ABCB1: variants seen among roughly 807,000 people sequenced by gnomAD.
ABCB1 encodes ATP-dependent translocase ABCB1.
A neutral mutation model predicts 142.0 loss-of-function variants in ABCB1; 69 were observed. That is an observed-to-expected ratio of 0.49 (90% confidence interval 0.40 to 0.59). ABCB1 has a LOEUF of 0.59. Among genes scored for constraint, ABCB1 ranks in the 20% least tolerant of loss-of-function variants. The probability of loss-of-function intolerance (pLI) is 0.00; values close to 1 mark genes in which losing one functional copy is unlikely to be tolerated. For missense variants in ABCB1, 1,326 were observed against 1,554.7 expected, an observed-to-expected ratio of 0.85 and a Z score of 2.47; for synonymous variants, 532 against 539.2, an observed-to-expected ratio of 0.99 and a Z score of 0.18.
chr7:87,669,657 C>T (rs565544608), intron 1 of ABCB1, among the ~76,000 whole-genome samples: 1 of 152,306 alleles, frequency 6.6e-6, no homozygotes, highest in East Asian at 1.9e-4. Context: ...TCTTGTAAGG[C>T]AAGCCTGGTG....
intron 4 of ABCB1, among the ~76,000 whole-genome samples, chr7:87,581,738 A>T (rs1818517547): frequency 6.6e-6 from 1 of 152,172 alleles, no homozygotes; most frequent in Non-Finnish European, 1.5e-5. Context: ...GTCTAATTAG[A>T]TCCTATGTTT....
At chr7:87,582,490 A>G (rs976798143) in intron 4 of ABCB1, among the ~76,000 whole-genome samples, 3 of 152,246 alleles carry the variant, frequency 2.0e-5, no homozygotes, top group African/African-American at 7.2e-5. Flanking sequence ...GAGGGCATGT[A>G]CTGTGACTGG....
At chr7:87,663,056 A>G (rs1341490812) in intron 1 of ABCB1, among the ~76,000 whole-genome samples, 2 of 152,096 alleles carry the variant, frequency 1.3e-5, no homozygotes, top group African/African-American at 4.8e-5. Context: ...CTGTTGGCAT[A>G]TAGGAAAGCT....
chr7:87,685,755 T>A (rs1827395418), intron 1 of ABCB1, among the ~76,000 whole-genome samples: 1 of 152,162 alleles, frequency 6.6e-6, no homozygotes, highest in African/African-American at 2.4e-5. Flanking sequence ...ATAATCATGG[T>A]TACATGACTC....
At chr7:87,507,395 G>A (rs1219706568) in intron 26 of ABCB1, among the ~76,000 whole-genome samples, 2 of 152,202 alleles carry the variant, frequency 1.3e-5, no homozygotes, top group African/African-American at 4.8e-5. Flanking sequence ...TTAAAACGTG[G>A]ATTGCTGGAT....
At chr7:87,566,680 C>G in intron 6 of ABCB1, 105 bp downstream of exon 6, 2 of 1,169,464 alleles carry the variant, frequency 1.7e-6, no homozygotes, top group East Asian at 2.5e-5. Flanking sequence ...CTCATAAGTA[C>G]CTTTGAATGA....
intron 9 of ABCB1, 78 bp downstream of exon 9, chr7:87,553,683 T>G (rs1817187371): frequency 2.7e-6 from 4 of 1,463,894 alleles, no homozygotes; most frequent in Non-Finnish European, 3.8e-6. Context: ...AAATATATTC[T>G]TCTAAAGTCA....
chr7:87,626,117 A>G (rs1282362266), intron 1 of ABCB1, among the ~76,000 whole-genome samples: 6 of 140,890 alleles, frequency 4.3e-5, no homozygotes, highest in African/African-American at 1.3e-4. Flanking sequence ...TATATGTGTC[A>G]TATATATTGT....
intron 27 of ABCB1, 47 bp from the exon 28 acceptor site, chr7:87,504,496 T>C: frequency 6.2e-7 from 1 of 1,606,282 alleles, no homozygotes; most frequent in Non-Finnish European, 8.5e-7. Flanking sequence ...TTCTTTTCCC[T>C]AATTCCTCTT....
At chr7:87,583,003 A>T (rs1307294853) in intron 4 of ABCB1, among the ~76,000 whole-genome samples, 1 of 152,218 alleles carries the variant, frequency 6.6e-6, no homozygotes, top group South Asian at 2.1e-4. Flanking sequence ...ATAGGTACTG[A>T]GTAACTTTGG....
chr7:87,685,926 T>A (rs1827413632), intron 1 of ABCB1, among the ~76,000 whole-genome samples: 1 of 152,196 alleles, frequency 6.6e-6, no homozygotes, highest in Non-Finnish European at 1.5e-5. Flanking sequence ...CCTCACTTAT[T>A]TTAGAAAGCT....
chr7:87,552,649 A>T (rs978782388), intron 9 of ABCB1, among the ~76,000 whole-genome samples: 1 of 149,326 alleles, frequency 6.7e-6, no homozygotes, highest in African/African-American at 2.5e-5. Flanking sequence ...CACTATACTA[A>T]AAAAAAAAAA....
intron 4 of ABCB1, among the ~76,000 whole-genome samples, chr7:87,578,309 G>T (rs576289678): frequency 6.6e-6 from 1 of 152,096 alleles, no homozygotes; most frequent in Admixed American, 6.5e-5. Flanking sequence ...ATGGTGTTTT[G>T]GTTACTAGCT....
Position 87,530,412 on chromosome 7 carries a change from A to C in ABCB1, c.2685+882T>G, listed in dbSNP as rs1203873587. On this transcript the variant is annotated intron_variant, in intron 21 of 27. Coordinates refer to ENST00000622132, the MANE Select transcript of ABCB1 (RefSeq NM_001348946.2). ...TTGAATCCCAGCTCCAAGACCTATC[A>C]GCTCTAAAGTCCAGAGCCATGACCT... 3.9e-5 allele frequency among the ~76,000 whole-genome samples: 6 copies of C among 152,264 alleles called. 1 individual carries two copies. Among genetic ancestry groups the C allele is most frequent in the African/African-American group, 1.4e-4 (6 of 41,554 alleles).
At chr7:87,548,958 G>A (rs974913584) in intron 14 of ABCB1, among the ~76,000 whole-genome samples, 9 of 152,090 alleles carry the variant, frequency 5.9e-5, no homozygotes, top group Non-Finnish European at 7.3e-5. Context: ...CCTTCAGGTT[G>A]TATTTTTCTC....
intron 4 of ABCB1, among the ~76,000 whole-genome samples, chr7:87,585,104 T>C (rs1018655014): frequency 6.6e-6 from 1 of 152,212 alleles, no homozygotes; most frequent in Non-Finnish European, 1.5e-5. Flanking sequence ...CTGTTGATAG[T>C]AACTGCATCC....
At chr7:87,572,296 C>T (rs943156722) in intron 4 of ABCB1, among the ~76,000 whole-genome samples, 1 of 152,144 alleles carries the variant, frequency 6.6e-6, no homozygotes, top group Non-Finnish European at 1.5e-5. Flanking sequence ...TACCAGTTTT[C>T]TCAATTCTTA....
At chr7:87,638,052 T>C (rs1451370157) in intron 1 of ABCB1, among the ~76,000 whole-genome samples, 1 of 152,112 alleles carries the variant, frequency 6.6e-6, no homozygotes, top group Non-Finnish European at 1.5e-5. Flanking sequence ...CTTATTATTG[T>C]ATTATTAAAT....
intron 1 of ABCB1, among the ~76,000 whole-genome samples, chr7:87,618,520 T>C (rs1444988679): frequency 6.6e-6 from 1 of 152,174 alleles, no homozygotes. Flanking sequence ...ATAGTTTTGG[T>C]TGGGGAGGAC....
Sources: allele counts gnomAD v4.1 joint callset (sites outside exome capture counted in the v4.1 genomes callset), GRCh38; gene constraint gnomAD v4.1.1; transcripts MANE v1.5; gene names NCBI Gene and HGNC (gene_info 2026-07-23, HGNC 2026-07-21).